The following SHANK2 variants were observed in gnomAD, a reference collection of about 807,000 sequenced individuals.
The protein encoded by SHANK2 is SH3 and multiple ankyrin repeat domains 2.
A neutral mutation model predicts 133.7 loss-of-function variants in SHANK2; 43 were observed. The observed-to-expected ratio is 0.32, with a 90% CI of 0.25 to 0.41. The LOEUF (loss-of-function observed/expected upper bound fraction) is 0.41, where lower values mean the gene tolerates loss of function less well. SHANK2 is among the 10% of genes least tolerant of loss of function. SHANK2 has a pLI of 1.00. For missense variants in SHANK2, 1,994 were observed against 2,235.8 expected (o/e 0.89, Z 2.18); for synonymous variants, 1,017 against 952.8 (o/e 1.07, Z -1.24).
intron 17 of SHANK2, among the ~76,000 whole-genome samples, chr11:70,564,480 G>A (rs1337349946): frequency 2.6e-5 from 4 of 151,842 alleles, no homozygotes; most frequent in Non-Finnish European, 4.4e-5. Flanking sequence ...GGCTGGTCTC[G>A]AACTCCTGAC....
chr11:70,789,276 T>C (rs1334977640), intron 14 of SHANK2, among the ~76,000 whole-genome samples: 3 of 152,190 alleles, frequency 2.0e-5, no homozygotes, highest in Non-Finnish European at 4.4e-5. Context: ...CTCTTCTCCA[T>C]TGAGTGCCAC....
chr11:71,205,347 C>T, intron 2 of SHANK2, among the ~76,000 whole-genome samples: 2 of 152,202 alleles, frequency 1.3e-5, no homozygotes, highest in South Asian at 2.1e-4. Context: ...CTGACCAGCA[C>T]CACCCTGACC....
chr11:70,770,463 T>C (rs1461530702), intron 14 of SHANK2, among the ~76,000 whole-genome samples: 3 of 152,214 alleles, frequency 2.0e-5, no homozygotes, highest in Non-Finnish European at 4.4e-5. Context: ...GGCCCCCAGC[T>C]GGCCTGAAAA....
intron 1 of SHANK2, among the ~76,000 whole-genome samples, chr11:71,230,977 T>C (rs1954731922): frequency 6.6e-6 from 1 of 151,972 alleles, no homozygotes; most frequent in Non-Finnish European, 1.5e-5. Context: ...TTAGAAAAAA[T>C]GGGAGAAAAT....
rs374110699 is a variant in SHANK2 at position 70,485,964 on chromosome 11, G to T, written c.4329C>A (p.Ser1443Arg). Reference protein sequence around the residue: ...ALSDLVKQKKSDTPQSPSLNS... With the variant: ...ALSDLVKQKKRDTPQSPSLNS... ...TCAACGAAGGGGACTGAGGGGTGTCGCTTTTCTTCTGCTTCACTAAGTCTG... is the reference window on the plus strand; with the variant it reads ...TCAACGAAGGGGACTGAGGGGTGTCTCTTTTCTTCTGCTTCACTAAGTCTG... The change falls in exon 25 of 26, where the codon AGC becomes AGA. Residue 1443 changes from serine to arginine, a missense_variant. Physicochemically the swap from Ser to Arg is moderately radical, Grantham distance 110 (BLOSUM62 -1). This residue lies in a region of SHANK2 where 797 missense variants were observed against 907.4 expected (regional missense o/e 0.88). Transcript: ENST00000601538. This position sits in a 1 kb window ranked among gnomAD's most constrained non-coding sequence, Gnocchi z 5.8. 1 of 1,614,110 alleles carries T rather than the reference G, an allele frequency of 6.2e-7. No homozygotes were observed. Among genetic ancestry groups the T allele is most frequent in the African/African-American group, 1.3e-5 (1 of 75,020 alleles).
intron 2 of SHANK2, among the ~76,000 whole-genome samples, chr11:71,221,443 C>T (rs1409085678): frequency 2.0e-5 from 3 of 152,064 alleles, no homozygotes; most frequent in Admixed American, 2.0e-4. Flanking sequence ...TGGCAAATGC[C>T]GCTTGATCCC....
intron 11 of SHANK2, among the ~76,000 whole-genome samples, chr11:70,825,420 T>C (rs1948622457): frequency 6.6e-6 from 1 of 152,122 alleles, no homozygotes; most frequent in Non-Finnish European, 1.5e-5. Context: ...AGTATGGACT[T>C]AGAGGGGGGA....
chr11:70,615,710 A>C (rs2060730977), intron 17 of SHANK2, among the ~76,000 whole-genome samples: 1 of 152,204 alleles, frequency 6.6e-6, no homozygotes, highest in African/African-American at 2.4e-5. Flanking sequence ...ACAAGGTGGT[A>C]AGCGGCGCGT....
At chr11:70,611,721 A>C (rs535959498) in intron 17 of SHANK2, among the ~76,000 whole-genome samples, 5 of 152,330 alleles carry the variant, frequency 3.3e-5, no homozygotes, top group African/African-American at 1.2e-4. Flanking sequence ...GTCCTGGTGG[A>C]GGTGTCGTCT....
intron 2 of SHANK2, among the ~76,000 whole-genome samples, chr11:71,180,532 G>A (rs530642763): frequency 6.6e-6 from 1 of 152,196 alleles, no homozygotes; most frequent in South Asian, 2.1e-4. Context: ...GACAGTGAAA[G>A]TCTAGGTTGC....
intron 1 of SHANK2, among the ~76,000 whole-genome samples, chr11:71,250,600 C>T (rs1320655244): frequency 6.6e-6 from 1 of 152,212 alleles, no homozygotes; most frequent in East Asian, 1.9e-4. Flanking sequence ...TATTAGGACC[C>T]TCAACCTTGT....
At chr11:70,801,728 G>A (rs1425552786) in intron 13 of SHANK2, among the ~76,000 whole-genome samples, 6 of 152,138 alleles carry the variant, frequency 3.9e-5, no homozygotes, top group South Asian at 4.2e-4. Flanking sequence ...GAGGGATCCC[G>A]GGGACTCCTG....
chr11:71,239,824 T>C (rs1954866376), intron 1 of SHANK2, among the ~76,000 whole-genome samples: 1 of 152,148 alleles, frequency 6.6e-6, no homozygotes, highest in Admixed American at 6.5e-5. Context: ...GCTGGCTGGA[T>C]GGTCTGTGAC....
intron 11 of SHANK2, among the ~76,000 whole-genome samples, chr11:70,828,456 A>T (rs1948678618): frequency 6.6e-6 from 1 of 152,218 alleles, no homozygotes; most frequent in Admixed American, 6.5e-5. Flanking sequence ...GCATTAAGAA[A>T]CGGTTCTGAG....
At chr11:70,553,464 G>A (rs990713859) in intron 17 of SHANK2, among the ~76,000 whole-genome samples, 31 of 152,256 alleles carry the variant, frequency 2.0e-4, no homozygotes, top group African/African-American at 6.3e-4. Context: ...GGATTGGAAC[G>A]CTAATGCATG....
At position 70,855,978 on chromosome 11, in the gene SHANK2, A is replaced by C. The variant is rs147242600; in HGVS notation, c.1175-35296T>G. On this transcript the variant is annotated intron_variant, in intron 11 of 25. Transcript: ENST00000601538. Reference sequence around the variant, plus strand: ...GGCTGAATGAAGAAATGGATAGATGAATAGATGAATGGATAGATGGATGGA... The same window carrying C: ...GGCTGAATGAAGAAATGGATAGATGCATAGATGAATGGATAGATGGATGGA... Among the ~76,000 whole-genome samples, 33 of 152,134 alleles carry C rather than the reference A, an allele frequency of 2.2e-4. No individual in the cohort carries two copies. In the East Asian group the frequency reaches 6.4e-3, roughly 29 times the overall value.
chr11:70,542,938 AG>A (rs200574035), intron 17 of SHANK2, among the ~76,000 whole-genome samples: 2 of 152,302 alleles, frequency 1.3e-5, no homozygotes, highest in South Asian at 2.1e-4. Context: ...CTCAGCAGGA[AG>A]GGGGCCCCCC....
chr11:71,136,830 A>G (rs1262960658), intron 3 of SHANK2, among the ~76,000 whole-genome samples: 6 of 152,178 alleles, frequency 3.9e-5, no homozygotes, highest in African/African-American at 1.4e-4. Flanking sequence ...CAGGTGCACA[A>G]CTCAGCAAAT....
intron 5 of SHANK2, among the ~76,000 whole-genome samples, chr11:71,112,517 C>T (rs1212317740): frequency 6.6e-6 from 1 of 152,186 alleles, no homozygotes; most frequent in Admixed American, 6.5e-5. Context: ...GGGAGCTCAC[C>T]TGGAGAGCAT....
Sources: allele counts gnomAD v4.1 joint callset (sites outside exome capture counted in the v4.1 genomes callset), GRCh38; gene constraint gnomAD v4.1.1; regional missense constraint gnomAD v4.1.1; non-coding constraint Gnocchi (gnomAD v3.1); transcripts MANE v1.5; gene names NCBI Gene and HGNC (gene_info 2026-07-23, HGNC 2026-07-21).